The following VPS54 variants were observed in gnomAD, a reference collection of about 807,000 sequenced individuals.
VPS54 encodes the protein VPS54 subunit of GARP complex, also known as vacuolar protein sorting-associated protein 54.
VPS54 carries 45 observed loss-of-function variants against 121.5 expected under a neutral mutation model. That is an observed-to-expected ratio of 0.37 (90% confidence interval 0.29 to 0.47). The LOEUF (loss-of-function observed/expected upper bound fraction) is 0.47, where lower values mean the gene tolerates loss of function less well. Among genes scored for constraint, VPS54 ranks in the 20% least tolerant of loss-of-function variants. The probability of loss-of-function intolerance (pLI) is 0.99; values close to 1 mark genes in which losing one functional copy is unlikely to be tolerated. For synonymous variants in VPS54, 371 were observed against 385.8 expected, an observed-to-expected ratio of 0.96 and a Z score of 0.45; for missense variants, 1,090 against 1,131.4, an observed-to-expected ratio of 0.96 and a Z score of 0.52.
At chr2:63,973,425 T>C (rs979450719) in intron 3 of VPS54, among the ~76,000 whole-genome samples, 1 of 152,234 alleles carries the variant, frequency 6.6e-6, no homozygotes, top group Non-Finnish European at 1.5e-5. Context: ...TGACCATCTT[T>C]CCATGTGCTA....
intron 6 of VPS54, 110 bp downstream of exon 6, chr2:63,965,725 A>T (rs950301225): frequency 6.8e-7 from 1 of 1,473,954 alleles, no homozygotes. Context: ...CAGTAAGAAC[A>T]AAAATGAATT....
chr2:63,923,404 C>A (rs1225428029), intron 12 of VPS54, among the ~76,000 whole-genome samples: 1 of 152,104 alleles, frequency 6.6e-6, no homozygotes, highest in Non-Finnish European at 1.5e-5. Flanking sequence ...CATAATCCAG[C>A]AATTCTACTT....
intron 20 of VPS54, among the ~76,000 whole-genome samples, chr2:63,902,242 T>C (rs545609219): frequency 1.1e-3 from 168 of 152,298 alleles, no homozygotes; most frequent in Middle Eastern, 0.01. Flanking sequence ...ACTCCTATTC[T>C]GTAGTGGAGA....
intron 6 of VPS54, among the ~76,000 whole-genome samples, chr2:63,963,820 T>C (rs77118401): frequency 0.032 from 4,890 of 152,210 alleles, 198 homozygotes; most frequent in African/African-American, 0.097. Context: ...AAATGGAGAA[T>C]AGATAACTTT....
chr2:64,018,439 G>A (rs1483981773), intron 1 of VPS54, among the ~76,000 whole-genome samples: 1 of 152,160 alleles, frequency 6.6e-6, no homozygotes, highest in Non-Finnish European at 1.5e-5. Flanking sequence ...CAGAACTGAA[G>A]AAAATTATTG....
intron 1 of VPS54, among the ~76,000 whole-genome samples, chr2:63,992,661 TCTC>T (rs1188970573): frequency 6.6e-6 from 1 of 152,200 alleles, no homozygotes. Flanking sequence ...CCGCTGGAAT[TCTC>T]CTGTGTTTCT....
At chr2:63,914,501 G>T (rs1481979646) in intron 16 of VPS54, among the ~76,000 whole-genome samples, 1 of 152,114 alleles carries the variant, frequency 6.6e-6, no homozygotes, top group Non-Finnish European at 1.5e-5. Context: ...AATTTAAAGA[G>T]GCTCTTACTC....
chr2:63,992,460 G>A (rs959364698), intron 1 of VPS54, among the ~76,000 whole-genome samples: 15 of 152,198 alleles, frequency 9.9e-5, no homozygotes, highest in African/African-American at 3.6e-4. Flanking sequence ...TACTATAAAA[G>A]AAGACAGGGC....
chr2:63,947,822 G>A (rs969363671), intron 8 of VPS54, among the ~76,000 whole-genome samples: 1 of 152,042 alleles, frequency 6.6e-6, no homozygotes, highest in Non-Finnish European at 1.5e-5. Context: ...CATGGGCCCT[G>A]TGGGTTTTTT....
Position 63,897,588 on chromosome 2 carries a change from C to A in VPS54, c.2736G>T (p.Met912Ile), listed in dbSNP as rs11558741. 0.15 allele frequency: 223,321 copies of A among 1,508,558 alleles called. 17,273 individuals carry two copies. The highest frequency in any genetic ancestry group is 0.23 in the Middle Eastern group (1,308 of 5,764). 93.4% of individuals were successfully genotyped at this position (1,508,558 alleles called of 1,614,324 possible). ...FDLLPEEQTQMLFLRINASYK... is the reference protein window; with the variant it reads ...FDLLPEEQTQILFLRINASYK... ...AACTTGCATTAATTCTTAAAAATAA[C>A]ATCTGAAAAAGAAATAAAACTAAGT... Residue 912 changes from methionine to isoleucine, a missense_variant and splice_region_variant, in exon 22 of 23, where the codon ATG becomes ATT. Around this residue, in one of 2 missense-constraint regions of VPS54, gnomAD observed 289 missense variants for 374.4 expected, o/e 0.77. Transcript: ENST00000272322.
intron 7 of VPS54, among the ~76,000 whole-genome samples, chr2:63,950,144 T>G (rs1675171573): frequency 6.6e-6 from 1 of 152,238 alleles, no homozygotes; most frequent in African/African-American, 2.4e-5. Flanking sequence ...TCTTTCATGA[T>G]TTCCTTGATT....
chr2:63,901,114 G>C (rs184173664), intron 20 of VPS54, among the ~76,000 whole-genome samples: 28 of 152,238 alleles, frequency 1.8e-4, no homozygotes, highest in African/African-American at 6.0e-4. Context: ...CATTCTAATC[G>C]TATGATTAAT....
chr2:63,967,226 T>C (rs989290532), intron 5 of VPS54, among the ~76,000 whole-genome samples: 1 of 152,116 alleles, frequency 6.6e-6, no homozygotes, highest in Admixed American at 6.5e-5. Flanking sequence ...TTAGAATGAA[T>C]ATGGTAGGAA....
intron 1 of VPS54, 34 bp from the exon 2 acceptor site, chr2:63,984,053 CG>C: frequency 6.7e-7 from 1 of 1,500,586 alleles, no homozygotes; most frequent in Non-Finnish European, 9.0e-7. Context: ...ATTAAGACAC[CG>C]CAAATCAAAA....
rs1389122325 is a variant in VPS54, at chr2:63,913,324, G to C, written c.2335-14C>G. The C allele has an allele frequency of 6.3e-7, 1 of 1,594,770 alleles. No homozygotes were observed. The highest frequency in any genetic ancestry group is 8.5e-7 in the Non-Finnish European group (1 of 1,172,016). On this transcript the variant is annotated splice_polypyrimidine_tract_variant and intron_variant, in intron 17 of 22. Coordinates refer to ENST00000272322, the MANE Select transcript of VPS54 (RefSeq NM_016516.3). Reference sequence around the variant, plus strand: ...TGAATTGAAGTACTAACAAAAGAAGGAGAAAAAAACCCCAAAATTTACTAA... The same window carrying C: ...TGAATTGAAGTACTAACAAAAGAAGCAGAAAAAAACCCCAAAATTTACTAA...
intron 11 of VPS54, among the ~76,000 whole-genome samples, chr2:63,939,990 T>C (rs1212666335): frequency 6.6e-6 from 1 of 152,126 alleles, no homozygotes; most frequent in Non-Finnish European, 1.5e-5. Flanking sequence ...TCTCTTGACC[T>C]TGTGATCTGC....
intron 1 of VPS54, among the ~76,000 whole-genome samples, chr2:64,012,414 T>C (rs1330987625): frequency 1.4e-5 from 2 of 144,148 alleles, no homozygotes; most frequent in Non-Finnish European, 1.5e-5. Flanking sequence ...TCAAGTCCCC[T>C]AGCCTACTTC....
chr2:63,932,322 C>G (rs997307306), intron 12 of VPS54, among the ~76,000 whole-genome samples: 2 of 152,150 alleles, frequency 1.3e-5, no homozygotes, highest in South Asian at 4.1e-4. Flanking sequence ...GAATACTATG[C>G]AGCCATAAAA....
chr2:63,940,608 AC>A (rs1323641808), intron 11 of VPS54, among the ~76,000 whole-genome samples: 1 of 152,098 alleles, frequency 6.6e-6, no homozygotes, highest in African/African-American at 2.4e-5. Context: ...ATTGAAAAAA[AC>A]ATTGAAGGAA....
Sources: gnomAD v4.1 joint callset for allele counts (sites outside exome capture counted in the v4.1 genomes callset) on GRCh38, gnomAD v4.1.1 for gene constraint, gnomAD v4.1.1 regional missense constraint, MANE v1.5 for transcripts, NCBI Gene and HGNC (gene_info 2026-07-23, HGNC 2026-07-21) for gene names.